MAP2: variants seen among roughly 807,000 people sequenced by gnomAD.
MAP2 encodes microtubule associated protein 2.
A neutral mutation model predicts 137.6 loss-of-function variants in MAP2; 14 were observed. The ratio of observed to expected loss-of-function variants is 0.10; its 90% CI spans 0.07 to 0.16. The LOEUF (loss-of-function observed/expected upper bound fraction) is 0.16, where lower values mean the gene tolerates loss of function less well. Among genes scored for constraint, MAP2 ranks in the 10% least tolerant of loss-of-function variants. MAP2 has a pLI of 1.00. For synonymous variants in MAP2, 786 were observed against 782.3 expected (o/e 1.00, Z -0.08); for missense variants, 2,088 against 2,191.5 (o/e 0.95, Z 0.94).
intron 2 of MAP2, among the ~76,000 whole-genome samples, chr2:209,571,241 TA>T (rs775939722): frequency 7.9e-5 from 12 of 151,858 alleles, no homozygotes; most frequent in Non-Finnish European, 1.5e-4. Flanking sequence ...GGCACCATAA[TA>T]TTTATTACAA....
chr2:209,617,568 G>T (rs535521374), intron 3 of MAP2, among the ~76,000 whole-genome samples: 131 of 152,240 alleles, frequency 8.6e-4, no homozygotes, highest in African/African-American at 2.4e-3. Flanking sequence ...AGAGAAGCCT[G>T]GCTAAAGTTT....
At chr2:209,432,487 A>G (rs781132836) in intron 1 of MAP2, among the ~76,000 whole-genome samples, 1 of 152,222 alleles carries the variant, frequency 6.6e-6, no homozygotes, top group Non-Finnish European at 1.5e-5. Context: ...CACGAAAGGC[A>G]TCTTAAAGGA....
At chr2:209,462,466 G>A (rs1037112418) in intron 1 of MAP2, among the ~76,000 whole-genome samples, 1 of 152,110 alleles carries the variant, frequency 6.6e-6, no homozygotes, top group Non-Finnish European at 1.5e-5. Context: ...TTCCAATTAG[G>A]TTATTTATAG....
intron 3 of MAP2, among the ~76,000 whole-genome samples, chr2:209,617,595 T>G (rs946908031): frequency 1.3e-5 from 2 of 152,114 alleles, no homozygotes; most frequent in Non-Finnish European, 2.9e-5. Flanking sequence ...GGAGAGACTC[T>G]TTGCTTCTTT....
intron 3 of MAP2, among the ~76,000 whole-genome samples, chr2:209,614,785 A>C (rs1017624093): frequency 6.6e-6 from 1 of 152,156 alleles, no homozygotes; most frequent in Non-Finnish European, 1.5e-5. Context: ...GTGCCAGCTT[A>C]GTCCCCACTG....
intron 11 of MAP2, among the ~76,000 whole-genome samples, chr2:209,700,948 T>A (rs1184329166): frequency 1.3e-5 from 2 of 152,162 alleles, no homozygotes; most frequent in Non-Finnish European, 2.9e-5. Context: ...TACGTAATAC[T>A]GCATTTTATT....
At chr2:209,479,973 A>C (rs1282712525) in intron 1 of MAP2, among the ~76,000 whole-genome samples, 1 of 152,096 alleles carries the variant, frequency 6.6e-6, no homozygotes, top group African/African-American at 2.4e-5. Flanking sequence ...CCCATGTTTT[A>C]CTTAAATAAG....
At chr2:209,599,325 T>C (rs1317431262) in intron 3 of MAP2, among the ~76,000 whole-genome samples, 2 of 151,992 alleles carry the variant, frequency 1.3e-5, no homozygotes, top group Non-Finnish European at 2.9e-5. Context: ...TTTGTTTGAG[T>C]TCATTGTAGA....
rs149416048 is a variant in MAP2, at chr2:209,693,117, C to T, written c.947C>T (p.Pro316Leu). 6.2e-7 allele frequency: 1 copy of T among 1,612,524 alleles called. No individual in the cohort carries two copies. The highest frequency in any genetic ancestry group is 1.1e-5 in the South Asian group (1 of 90,758). The change falls in exon 8 of 16, where the codon CCC (proline) becomes CTC (leucine). Residue 316 changes from proline (P) to leucine (L), a missense_variant. Coordinates refer to ENST00000682079, the MANE Select transcript of MAP2 (RefSeq NM_001375505.1). ...GKQFDSPMPS[P>L]FQGGSFTLPL... Reference sequence around the variant, plus strand: ...CAGTTTGATTCTCCCATGCCAAGTCCCTTTCAAGGGGGAAGCTTCACTCTT... The same window carrying T: ...CAGTTTGATTCTCCCATGCCAAGTCTCTTTCAAGGGGGAAGCTTCACTCTT...
chr2:209,542,631 C>T (rs774467004), intron 2 of MAP2, among the ~76,000 whole-genome samples: 11 of 152,210 alleles, frequency 7.2e-5, no homozygotes, highest in Non-Finnish European at 1.3e-4. Context: ...TTCTAGAGAA[C>T]TTGTGGCATC....
At chr2:209,473,337 T>G (rs893746541) in intron 1 of MAP2, among the ~76,000 whole-genome samples, 2 of 152,278 alleles carry the variant, frequency 1.3e-5, no homozygotes, top group East Asian at 3.9e-4. Context: ...ATTTTACTGA[T>G]GAGTAGAAAT....
At chr2:209,628,606 T>G (rs1473120402) in intron 4 of MAP2, among the ~76,000 whole-genome samples, 1 of 152,182 alleles carries the variant, frequency 6.6e-6, no homozygotes, top group Non-Finnish European at 1.5e-5. Flanking sequence ...AGAATTATCT[T>G]TTAAAAACAT....
At chr2:209,428,327 A>G (rs1693141774) in intron 1 of MAP2, among the ~76,000 whole-genome samples, 1 of 152,028 alleles carries the variant, frequency 6.6e-6, no homozygotes. Flanking sequence ...GAAGTTGGGG[A>G]AAGTTTTAGA....
intron 4 of MAP2, among the ~76,000 whole-genome samples, chr2:209,635,036 T>TGA (rs1321410902): frequency 6.6e-6 from 1 of 152,006 alleles, no homozygotes; most frequent in Non-Finnish European, 1.5e-5. Flanking sequence ...GGAAGAAGCT[T>TGA]GAGAGAGCTA....
intron 1 of MAP2, among the ~76,000 whole-genome samples, chr2:209,473,790 G>A (rs1184171702): frequency 6.6e-6 from 1 of 151,954 alleles, no homozygotes; most frequent in Non-Finnish European, 1.5e-5. Context: ...TTAGGAAATA[G>A]AACTAAAATT....
chr2:209,473,450 A>G (rs962922505), intron 1 of MAP2, among the ~76,000 whole-genome samples: 1 of 152,168 alleles, frequency 6.6e-6, no homozygotes, highest in Non-Finnish European at 1.5e-5. Flanking sequence ...AGTCTACAGC[A>G]GGACCTAGGA....
In MAP2 at chr2:209,696,342, A is replaced by G; in HGVS notation, c.4172A>G (p.Asp1391Gly). The change falls in exon 8 of 16, where the codon GAC (aspartate) becomes GGC (glycine). Residue 1391 changes from aspartate (D) to glycine (G), a missense_variant. By Grantham distance (94) the Asp-to-Gly change is moderately conservative (BLOSUM62 -1). Transcript: ENST00000682079. ...ATGGACGCTGACAGCCTCTGGGTGG[A>G]CACTCAAGGTGTGCATTATTATTAT... ...SIMDADSLWVDTQDDDRSIMT... is the reference protein window; with the variant it reads ...SIMDADSLWVGTQDDDRSIMT... 6.5e-7 allele frequency: 1 copy of G among 1,550,326 alleles called. No homozygotes were observed. Among genetic ancestry groups the G allele is most frequent in the Non-Finnish European group, 8.6e-7 (1 of 1,156,754 alleles).
At chr2:209,675,542 T>A (rs2050951541) in intron 5 of MAP2, among the ~76,000 whole-genome samples, 1 of 151,916 alleles carries the variant, frequency 6.6e-6, no homozygotes, top group Non-Finnish European at 1.5e-5. Context: ...TCAATGATTT[T>A]CAAAGTCTAT....
At chr2:209,622,137 C>T (rs916230999) in intron 3 of MAP2, among the ~76,000 whole-genome samples, 1 of 152,160 alleles carries the variant, frequency 6.6e-6, no homozygotes, top group African/African-American at 2.4e-5. Context: ...AGCATAAGCA[C>T]ACCTGGTAGA....
Sources: allele counts gnomAD v4.1 joint callset (sites outside exome capture counted in the v4.1 genomes callset), GRCh38; gene constraint gnomAD v4.1.1; transcripts MANE v1.5; gene names NCBI Gene and HGNC (gene_info 2026-07-23, HGNC 2026-07-21).